Variants in TNRC18 observed in about 807,000 individuals in gnomAD.
TNRC18 encodes trinucleotide repeat containing 18.
A neutral mutation model predicts 226.7 loss-of-function variants in TNRC18; 69 were observed. That is an observed-to-expected ratio of 0.30 (90% CI 0.25 to 0.37). The LOEUF (loss-of-function observed/expected upper bound fraction) is 0.37, where lower values mean the gene tolerates loss of function less well. TNRC18 is among the 10% of genes least tolerant of loss of function. The pLI, the probability that TNRC18 is intolerant of heterozygous loss-of-function variation, is 1.00. For synonymous variants in TNRC18, 2,449 were observed against 1,927.6 expected (o/e 1.27, Z -7.09); for missense variants, 4,754 against 4,256.6 (o/e 1.12, Z -3.25).
intron 19 of TNRC18, among the ~76,000 whole-genome samples, chr7:5,327,749 A>T (rs564862304): frequency 6.6e-6 from 1 of 152,196 alleles, no homozygotes; most frequent in African/African-American, 2.4e-5. Flanking sequence ...TTTTTGTAAA[A>T]AAAACATAAA....
At chr7:5,410,046 C>CA (rs1401424385) in intron 2 of TNRC18, among the ~76,000 whole-genome samples, 1 of 151,116 alleles carries the variant, frequency 6.6e-6, no homozygotes, top group African/African-American at 2.4e-5. Flanking sequence ...CGCAGTGGCT[C>CA]ACACCTGTAA....
intron 18 of TNRC18, 38 bp downstream of exon 18, chr7:5,345,524 C>CCCCCCCCCCCCCCCCCCCCCCA: frequency 1.1e-5 from 2 of 182,374 alleles, no homozygotes; most frequent in Non-Finnish European, 2.3e-5. Flanking sequence ...TCCGCCCCTC[C>CCCCCCCCCCCCCCCCCCCCCCA]CACCCACCCC....
chr7:5,386,725 G>A (rs1018423131), intron 5 of TNRC18, among the ~76,000 whole-genome samples: 1 of 152,094 alleles, frequency 6.6e-6, no homozygotes, highest in African/African-American at 2.4e-5. Flanking sequence ...ACTCCACCCT[G>A]GGTAACAGAG....
In TNRC18 at chr7:5,374,468, G is replaced by A. The variant is rs767238958; in HGVS notation, c.2816C>T (p.Ala939Val). The A allele has an allele frequency of 2.0e-5, 31 of 1,546,086 alleles. No individual in the cohort carries two copies. Among genetic ancestry groups the A allele is most frequent in the South Asian group, 3.6e-5 (3 of 84,004 alleles). ...TTCCATCTCCGCCCGGTGCTCCTGC[G>A]CCTTCAACCGCTCCTGCTGGGAAGG... ...SAQLVQERLK[A>V]QEHRAEMEEK... is the part of the protein sequence containing the mutation. The change falls in exon 10 of 30, where the codon GCG (alanine) becomes GTG (valine). Residue 939 changes from alanine (A) to valine (V), a missense_variant. By Grantham distance (64) the Ala-to-Val change is moderately conservative. Transcript: ENST00000430969.
rs66514806 is a variant in TNRC18 at position 5,325,724 on chromosome 7, A to ATT, written c.6148-478_6148-477dup. 3.7e-3 allele frequency: 235 copies of ATT among 62,848 alleles called. 6 individuals carry two copies. Among genetic ancestry groups the ATT allele is most frequent in the Non-Finnish European group, 5.1e-3 (184 of 36,410 alleles). The allele number at this position is 62,848 out of a possible 1,614,324, so 3.9% of individuals were successfully genotyped here. ...CAGGCATGAGCAAACGCGCCCTGCAATTTTTTTTTTTTTTTTTTTTTTTTT... is the reference window on the plus strand; with the variant it reads ...CAGGCATGAGCAAACGCGCCCTGCAATTTTTTTTTTTTTTTTTTTTTTTTTTT... On this transcript the variant is annotated intron_variant, in intron 19 of 29. Coordinates refer to ENST00000430969, the MANE Select transcript of TNRC18 (RefSeq NM_001080495.3).
In TNRC18 at chr7:5,388,604, G is replaced by A; in HGVS notation, c.1220C>T (p.Pro407Leu). 1.5e-6 allele frequency: 2 copies of A among 1,295,336 alleles called. No individual in the cohort carries two copies. The highest frequency in any genetic ancestry group is 2.0e-6 in the Non-Finnish European group (2 of 1,021,656). The allele number at this position is 1,295,336 out of a possible 1,614,324, so 80.2% of individuals were successfully genotyped here. Residue 407 changes from proline to leucine, a missense_variant, in exon 5 of 30, where the codon CCA (proline) becomes CTA (leucine). Transcript: ENST00000430969. ...ARAREREAGR[P>L]GVLQAPPGSP... is the part of the protein sequence containing the mutation. The stretch of plus-strand genomic sequence containing the variant: ...GCCGGGGGGCGCCTGCAGGACCCCT[G>A]GCCTGCCAGCCTCGCGCTCGCGGGC...
intron 11 of TNRC18, among the ~76,000 whole-genome samples, chr7:5,366,769 G>A (rs962715117): frequency 6.6e-6 from 1 of 152,156 alleles, no homozygotes; most frequent in African/African-American, 2.4e-5. Flanking sequence ...ACAATGTCAG[G>A]TAAGGATGGA....
At position 5,332,922 on chromosome 7, in the gene TNRC18, G is replaced by T. The variant is rs923770496; in HGVS notation, c.5847C>A (p.Gly1949=). ...GGCTGCTGGGGTCGGGACCGCGGGC[G>T]CCAGGCGTGGGTGCGGCCAGGGAGG... ...PGPSLAAPTP[G]ARGPDPSSPD... The change falls in exon 19 of 30, where the codon GGC becomes GGA. Residue 1949 remains glycine (G), a synonymous_variant. Coordinates refer to ENST00000430969, the MANE Select transcript of TNRC18 (RefSeq NM_001080495.3). The T allele has an allele frequency of 3.9e-6, 6 of 1,541,234 alleles. No individual in the cohort carries two copies. The highest frequency in any genetic ancestry group is 2.7e-5 in the African/African-American group (2 of 72,998).
intron 18 of TNRC18, among the ~76,000 whole-genome samples, chr7:5,334,107 G>C (rs564526141): frequency 3.5e-4 from 53 of 152,236 alleles, no homozygotes; most frequent in Non-Finnish European, 7.1e-4. Context: ...AGAGCCAGTG[G>C]TCTGCCTTAA....
intron 18 of TNRC18, among the ~76,000 whole-genome samples, chr7:5,336,758 T>C (rs2128131537): frequency 6.6e-6 from 1 of 152,004 alleles, no homozygotes; most frequent in African/African-American, 2.4e-5. Flanking sequence ...CACAAAGAAA[T>C]TATAAAACTG....
At chr7:5,397,477 G>A (rs1161701846) in intron 2 of TNRC18, among the ~76,000 whole-genome samples, 1 of 152,150 alleles carries the variant, frequency 6.6e-6, no homozygotes, top group Non-Finnish European at 1.5e-5. Flanking sequence ...CAGGCTGGGC[G>A]GGGCAGCCGG....
chr7:5,409,356 A>T (rs990454312), intron 2 of TNRC18, among the ~76,000 whole-genome samples: 28 of 148,328 alleles, frequency 1.9e-4, no homozygotes, highest in Non-Finnish European at 3.3e-4. Context: ...GGATGCTATT[A>T]AAAAAAAAAG....
rs1451468435 is a variant in TNRC18 at position 5,306,989 on chromosome 7, T to TAAGTG, written c.*1112_*1116dup. On this transcript the variant is annotated 3_prime_UTR_variant, in exon 30 of 30. Coordinates refer to ENST00000430969, the MANE Select transcript of TNRC18 (RefSeq NM_001080495.3). ...TTCCCTTGAAGGCTTGGGGCCTGGT[T>TAAGTG]AAGTGCTTTCTGGGGCCCAAGCAGG... The TAAGTG allele has an allele frequency of 6.6e-6, 1 of 151,136 alleles. No homozygotes were observed. The highest frequency in any genetic ancestry group is 1.5e-5 in the Non-Finnish European group (1 of 67,886). The allele number at this position is 151,136 out of a possible 1,614,324, so 9.4% of individuals were successfully genotyped here. A position where few individuals can be genotyped will look rare whatever the true frequency, so the allele number is the denominator to read the frequency against.
intron 1 of TNRC18, 98 bp from the exon 2 acceptor site, chr7:5,421,587 C>T (rs1309856538): frequency 6.6e-6 from 1 of 152,298 alleles, no homozygotes; most frequent in Non-Finnish European, 1.5e-5. Context: ...TCGCCTCGCC[C>T]TTCAGGATCG....
At chr7:5,373,419 C>T (rs1390568317) in intron 10 of TNRC18, among the ~76,000 whole-genome samples, 2 of 152,194 alleles carry the variant, frequency 1.3e-5, no homozygotes, top group Non-Finnish European at 2.9e-5. Context: ...TGCACCACTC[C>T]CAGCCCAGCA....
intron 2 of TNRC18, among the ~76,000 whole-genome samples, chr7:5,397,150 C>T (rs1424472296): frequency 2.0e-5 from 3 of 152,136 alleles, no homozygotes; most frequent in South Asian, 2.1e-4. Flanking sequence ...CCTCGGGCCC[C>T]GGGGCCTCGG....
chr7:5,330,082 C>A, intron 19 of TNRC18: 1 of 425,978 alleles, frequency 2.3e-6, no homozygotes, highest in South Asian at 1.7e-5. Context: ...TAGGTGCCCC[C>A]CAACACACCC....
intron 21 of TNRC18, among the ~76,000 whole-genome samples, chr7:5,322,007 C>G (rs879498769): frequency 6.6e-6 from 1 of 151,822 alleles, no homozygotes; most frequent in African/African-American, 2.4e-5. Context: ...AAGCCAGGCG[C>G]GATGGCTCAC....
chr7:5,328,039 T>G lies in TNRC18; in HGVS notation c.6148-2791A>C, dbSNP rs1470643822. Among the ~76,000 whole-genome samples the G allele has an allele frequency of 2.6e-5, 4 of 151,392 alleles. No individual in the cohort carries two copies. The East Asian group carries it at 5.9e-4, about 22-fold the overall frequency. On this transcript the variant is annotated intron_variant, in intron 19 of 29. Coordinates refer to ENST00000430969, the MANE Select transcript of TNRC18 (RefSeq NM_001080495.3). ...GAGTTCGAGACCAGCCCAGCCAACATGGTGAAACCCCGTCTCTACTAAAAA... is the reference window on the plus strand; with the variant it reads ...GAGTTCGAGACCAGCCCAGCCAACAGGGTGAAACCCCGTCTCTACTAAAAA...
Sources: gnomAD v4.1 joint callset for allele counts (sites outside exome capture counted in the v4.1 genomes callset) on GRCh38, gnomAD v4.1.1 for gene constraint, MANE v1.5 for transcripts, NCBI Gene and HGNC (gene_info 2026-07-23, HGNC 2026-07-21) for gene names.